The following CAPN13 variants were observed in gnomAD, a reference collection of about 807,000 sequenced individuals.
CAPN13 encodes calpain 13, also known as calpain-13.
In CAPN13, 90 loss-of-function variants were observed where a neutral mutation model predicts 98.4. That is an observed-to-expected ratio of 0.92 (90% CI 0.77 to 1.09). The LOEUF is 1.09. Ranked by LOEUF, CAPN13 falls within the 50% of genes least tolerant of loss-of-function variation. The pLI, the probability that CAPN13 is intolerant of heterozygous loss-of-function variation, is 0.00. For missense variants in CAPN13, 887 were observed against 841.3 expected (o/e 1.05, Z -0.67); for synonymous variants, 330 against 305.5 (o/e 1.08, Z -0.84).
intron 5 of CAPN13, among the ~76,000 whole-genome samples, chr2:30,766,620 T>C (rs934248487): frequency 6.6e-6 from 1 of 152,180 alleles, no homozygotes; most frequent in Non-Finnish European, 1.5e-5. Context: ...ACCCAGGAAT[T>C]CTGAGACAGC....
chr2:30,741,361 A>G (rs1233711608), intron 15 of CAPN13: 14 of 984,334 alleles, frequency 1.4e-5, no homozygotes, highest in Non-Finnish European at 1.7e-5. Context: ...CACTTTCCAC[A>G]CTAACACAAT....
intron 17 of CAPN13, chr2:30,737,868 C>A (rs934526640): frequency 7.0e-6 from 2 of 284,956 alleles, no homozygotes; most frequent in Admixed American, 8.4e-5. Flanking sequence ...GCTGTGTGAT[C>A]TGGGCAAATT....
At chr2:30,761,593 A>C (rs1468015159) in intron 7 of CAPN13, among the ~76,000 whole-genome samples, 2 of 152,192 alleles carry the variant, frequency 1.3e-5, no homozygotes, top group Non-Finnish European at 2.9e-5. Flanking sequence ...TCAATGTATA[A>C]AAAGGATCTT....
chr2:30,748,617 C>A (rs571434557), intron 11 of CAPN13, among the ~76,000 whole-genome samples: 3 of 152,014 alleles, frequency 2.0e-5, no homozygotes, highest in Non-Finnish European at 2.9e-5. Flanking sequence ...AAGTCTACAA[C>A]TTTTGCATCC....
chr2:30,775,973 A>T lies in CAPN13; in HGVS notation c.344T>A (p.Val115Asp), dbSNP rs1673669579. ...AGCATACTGGTGTGAAAAGCTTTGG[A>T]CCATCAGGATCTTCTGCCTGTACTG... ...NPQYRQKILMVQSFSHQYAGI... is the reference protein window; with the variant it reads ...NPQYRQKILMDQSFSHQYAGI... The change falls in exon 4 of 23, where the codon GTC becomes GAC. Residue 115 changes from valine to aspartate, a missense_variant. Transcript: ENST00000295055. 1 of 1,612,646 alleles carries T rather than the reference A, an allele frequency of 6.2e-7. No individual in the cohort carries two copies. Among genetic ancestry groups the T allele is most frequent in the East Asian group, 2.2e-5 (1 of 44,808 alleles).
At chr2:30,732,924 C>G (rs1459778641) in intron 19 of CAPN13, among the ~76,000 whole-genome samples, 3 of 152,306 alleles carry the variant, frequency 2.0e-5, no homozygotes, top group African/African-American at 7.2e-5. Flanking sequence ...CAACCTTCCT[C>G]CCCACCCATG....
intron 22 of CAPN13, among the ~76,000 whole-genome samples, chr2:30,725,464 A>T (rs189036782): frequency 6.6e-6 from 1 of 152,148 alleles, no homozygotes; most frequent in Non-Finnish European, 1.5e-5. Context: ...ACAAAAGTAT[A>T]CCTCAACTTG....
At chr2:30,783,206 T>G (rs1052169719) in intron 2 of CAPN13, among the ~76,000 whole-genome samples, 1 of 152,218 alleles carries the variant, frequency 6.6e-6, no homozygotes, top group Non-Finnish European at 1.5e-5. Context: ...AGGGGTCCAC[T>G]CTAAGTACTA....
At chr2:30,760,588 CTG>C (rs1672800067) in intron 7 of CAPN13, among the ~76,000 whole-genome samples, 1 of 152,216 alleles carries the variant, frequency 6.6e-6, no homozygotes, top group South Asian at 2.1e-4. Context: ...ATCTTCCTGT[CTG>C]TGTCCCGCCT....
At chr2:30,802,890 A>AC (rs1675373322) in intron 1 of CAPN13, among the ~76,000 whole-genome samples, 1 of 152,162 alleles carries the variant, frequency 6.6e-6, no homozygotes. Context: ...CCCCACGCCC[A>AC]CCTAGGGCAG....
At chr2:30,782,555 G>T (rs555724560) in intron 2 of CAPN13, among the ~76,000 whole-genome samples, 6 of 152,106 alleles carry the variant, frequency 3.9e-5, no homozygotes, top group African/African-American at 1.4e-4. Flanking sequence ...CGTTTTGGTC[G>T]CAAGGTGAGT....
chr2:30,744,326 A>T (rs1671803973), intron 12 of CAPN13, among the ~76,000 whole-genome samples: 1 of 152,202 alleles, frequency 6.6e-6, no homozygotes. Context: ...GCTGGGCTCC[A>T]AGGTAAAACA....
At chr2:30,791,522 C>T (rs1295366615) in intron 1 of CAPN13, among the ~76,000 whole-genome samples, 4 of 152,228 alleles carry the variant, frequency 2.6e-5, no homozygotes, top group African/African-American at 9.6e-5. Context: ...ACATCTGATA[C>T]TGAACAGTCT....
intron 2 of CAPN13, among the ~76,000 whole-genome samples, chr2:30,781,966 C>G (rs962380723): frequency 6.6e-6 from 1 of 152,072 alleles, no homozygotes; most frequent in Non-Finnish European, 1.5e-5. Context: ...CAGAAGCCAA[C>G]AGCAATAGTC....
chr2:30,729,066 G>C (rs6548029), intron 22 of CAPN13, among the ~76,000 whole-genome samples: 59,454 of 151,858 alleles, frequency 0.39, 11,678 homozygotes, highest in East Asian at 0.51. Context: ...AGACAGAAGA[G>C]AGAATTCATT....
At chr2:30,790,662 G>A (rs1031686991) in intron 1 of CAPN13, among the ~76,000 whole-genome samples, 2 of 152,182 alleles carry the variant, frequency 1.3e-5, no homozygotes, top group African/African-American at 2.4e-5. Flanking sequence ...ACCACCAACC[G>A]AGGGGCTTAA....
rs201335752 is a variant in CAPN13, at chr2:30,751,197, C to G, written c.1142G>C (p.Gly381Ala). 966 of 1,613,992 alleles carry G rather than the reference C, an allele frequency of 6.0e-4. No individual in the cohort carries two copies. Among genetic ancestry groups the G allele is most frequent in the Non-Finnish European group, 7.6e-4 (900 of 1,179,880 alleles). Residue 381 changes from glycine (G) to alanine (A), a missense_variant, in exon 11 of 23, where the codon GGC becomes GCC. Coordinates refer to ENST00000295055, the MANE Select transcript of CAPN13 (RefSeq NM_144575.3). ...TGTGACGCACACGACAACATTGGTG[C>G]CTTCCATTGGCTCTTGCACAGAGAA... ...FNFSVQEPME[G>A]TNVVVCVTVA...
intron 2 of CAPN13, among the ~76,000 whole-genome samples, chr2:30,779,041 T>C (rs768878514): frequency 3.3e-5 from 5 of 152,202 alleles, no homozygotes; most frequent in South Asian, 2.1e-4. Context: ...AAAGGGGACT[T>C]AGGGTCTCAA....
chr2:30,764,891 A>G (rs1430410737), intron 5 of CAPN13, among the ~76,000 whole-genome samples: 7 of 152,074 alleles, frequency 4.6e-5, no homozygotes, highest in African/African-American at 1.7e-4. Flanking sequence ...TACTCTGCAA[A>G]CCCTGATCCA....
Sources: allele counts gnomAD v4.1 joint callset (sites outside exome capture counted in the v4.1 genomes callset), GRCh38; gene constraint gnomAD v4.1.1; transcripts MANE v1.5; gene names NCBI Gene and HGNC (gene_info 2026-07-23, HGNC 2026-07-21).